CHST8: variants seen among roughly 807,000 people sequenced by gnomAD.
The protein encoded by CHST8 is GALNAC-4-ST1.
In CHST8, 10 loss-of-function variants were observed where a neutral mutation model predicts 15.0. The ratio of observed to expected loss-of-function variants is 0.67; its 90% CI spans 0.41 to 1.13. The LOEUF is 1.13. CHST8 is among the 50% of genes most tolerant of loss of function. The pLI is 0.00. For missense variants in CHST8, 634 were observed against 608.2 expected, an observed-to-expected ratio of 1.04 and a Z score of -0.45; for synonymous variants, 259 against 256.6, an observed-to-expected ratio of 1.01 and a Z score of -0.09.
chr19:33,754,132 C>T (rs943873063), intron 3 of CHST8, among the ~76,000 whole-genome samples: 3 of 134,580 alleles, frequency 2.2e-5, no homozygotes, highest in African/African-American at 8.6e-5. Context: ...GTGTACCATC[C>T]TACCTGACAT....
At chr19:33,658,637 C>T (rs533057604) in intron 1 of CHST8, among the ~76,000 whole-genome samples, 1 of 152,298 alleles carries the variant, frequency 6.6e-6, no homozygotes, top group African/African-American at 2.4e-5. Flanking sequence ...AGAATGTTTA[C>T]AGCTGTTCTA....
chr19:33,714,254 T>C (rs1484595006), intron 3 of CHST8, among the ~76,000 whole-genome samples: 2 of 152,112 alleles, frequency 1.3e-5, no homozygotes, highest in Non-Finnish European at 2.9e-5. Context: ...TCAACCTAAA[T>C]GTCCACCAAG....
At chr19:33,757,452 A>AAG (rs1568358435) in intron 3 of CHST8, among the ~76,000 whole-genome samples, 5 of 33,334 alleles carry the variant, frequency 1.5e-4, no homozygotes, top group African/African-American at 5.9e-4. Context: ...GAAAGAAAGA[A>AAG]AGAAAGAAAG....
At chr19:33,645,751 G>A (rs10423885) in intron 1 of CHST8, among the ~76,000 whole-genome samples, 126,962 of 152,142 alleles carry the variant, frequency 0.83, 53,891 homozygotes, top group Non-Finnish European at 0.91. Flanking sequence ...AGCTGGAGAT[G>A]TTATACCCCA....
intron 3 of CHST8, among the ~76,000 whole-genome samples, chr19:33,718,214 T>C (rs1973700575): frequency 6.6e-6 from 1 of 151,484 alleles, no homozygotes; most frequent in South Asian, 2.1e-4. Flanking sequence ...GATTGTCTTT[T>C]TTTCTTTCTT....
chr19:33,659,059 C>CTTTTTTTT lies in CHST8; in HGVS notation c.-163-8692_-163-8685dup, dbSNP rs71181374. On this transcript the variant is annotated intron_variant, in intron 1 of 4. Coordinates refer to ENST00000650847, the MANE Select transcript of CHST8 (RefSeq NM_001127895.2). Reference sequence around the variant, plus strand: ...TTATTGTTTCATGGTTAGGTAATGACTTTTTTTTTTTTTTTTTTTTTTTGA... The same window carrying CTTTTTTTT: ...TTATTGTTTCATGGTTAGGTAATGACTTTTTTTTTTTTTTTTTTTTTTTTTTTTTTTGA... 1.4e-3 allele frequency among the ~76,000 whole-genome samples: 113 copies of CTTTTTTTT among 78,840 alleles called. 5 individuals carry two copies. Among genetic ancestry groups the CTTTTTTTT allele is most frequent in the African/African-American group, 1.6e-3 (30 of 18,702 alleles). The allele number at this position is 78,840 out of a possible 152,430, so 51.7% of individuals were successfully genotyped here.
At chr19:33,638,488 T>C (rs1423322861) in intron 1 of CHST8, among the ~76,000 whole-genome samples, 3 of 152,158 alleles carry the variant, frequency 2.0e-5, no homozygotes, top group East Asian at 3.9e-4. Flanking sequence ...CTGAATTTCA[T>C]AAATATTGTA....
intron 2 of CHST8, among the ~76,000 whole-genome samples, chr19:33,674,353 G>C (rs1007918646): frequency 2.6e-5 from 4 of 152,226 alleles, no homozygotes; most frequent in Non-Finnish European, 5.9e-5. Context: ...CCATCGGCAT[G>C]GGGGAGGGGC....
chr19:33,730,831 G>A (rs944387660), intron 3 of CHST8, among the ~76,000 whole-genome samples: 23 of 152,216 alleles, frequency 1.5e-4, no homozygotes, highest in African/African-American at 5.5e-4. Context: ...CAACAGCACA[G>A]CCTTCAGTCT....
intron 2 of CHST8, among the ~76,000 whole-genome samples, chr19:33,672,180 G>A (rs1386597282): frequency 1.3e-5 from 2 of 148,342 alleles, no homozygotes; most frequent in South Asian, 4.2e-4. Flanking sequence ...TCCATTGAAA[G>A]TATTTCTTTT....
chr19:33,714,181 T>TA (rs1357406490), intron 3 of CHST8, among the ~76,000 whole-genome samples: 6 of 152,242 alleles, frequency 3.9e-5, no homozygotes, highest in African/African-American at 7.2e-5. Flanking sequence ...AGTCACTCTA[T>TA]AAAAAAGACA....
chr19:33,673,145 C>T (rs538792199), intron 2 of CHST8, among the ~76,000 whole-genome samples: 5 of 152,302 alleles, frequency 3.3e-5, no homozygotes, highest in East Asian at 3.9e-4. Flanking sequence ...GGCCAATGTC[C>T]GGGTGTCGTG....
chr19:33,741,522 C>T (rs140462946), intron 3 of CHST8, among the ~76,000 whole-genome samples: 2 of 152,186 alleles, frequency 1.3e-5, no homozygotes, highest in African/African-American at 4.8e-5. Flanking sequence ...AACATCTTCC[C>T]TAGCAAATAT....
At chr19:33,710,683 T>A (rs1014748384) in intron 3 of CHST8, among the ~76,000 whole-genome samples, 1 of 152,218 alleles carries the variant, frequency 6.6e-6, no homozygotes, top group African/African-American at 2.4e-5. Context: ...AGCAACACTC[T>A]TGGGCATGGA....
At chr19:33,723,185 G>T (rs1973833601) in intron 3 of CHST8, among the ~76,000 whole-genome samples, 1 of 152,232 alleles carries the variant, frequency 6.6e-6, no homozygotes, top group Non-Finnish European at 1.5e-5. Flanking sequence ...CTTTGTGTGT[G>T]CGTGCATGCC....
Position 33,627,577 on chromosome 19 carries a change from T to C in CHST8, c.-164+5281T>C, listed in dbSNP as rs566166213. 1.4e-3 allele frequency among the ~76,000 whole-genome samples: 220 copies of C among 152,278 alleles called. 1 individual carries two copies. Among genetic ancestry groups the C allele is most frequent in the Middle Eastern group, 6.8e-3 (2 of 294 alleles). The stretch of plus-strand genomic sequence containing the variant: ...CACTCCGCACGTAGAACACCATACA[T>C]TTCTGGGAAATAGTATTTCTTGGTG... On this transcript the variant is annotated intron_variant, in intron 1 of 4. Coordinates refer to ENST00000650847, the MANE Select transcript of CHST8 (RefSeq NM_001127895.2).
chr19:33,673,906 A>G (rs1052620662), intron 2 of CHST8, among the ~76,000 whole-genome samples: 2 of 152,130 alleles, frequency 1.3e-5, no homozygotes, highest in Non-Finnish European at 2.9e-5. Flanking sequence ...GGCTCGCGCC[A>G]TCACATCTGG....
chr19:33,770,254 C>G lies in CHST8; in HGVS notation c.131-1159C>G, dbSNP rs534323956. 2.0e-5 allele frequency among the ~76,000 whole-genome samples: 3 copies of G among 152,326 alleles called. No homozygotes were observed. The South Asian group carries it at 6.2e-4, about 32-fold the overall frequency. On this transcript the variant is annotated intron_variant, in intron 3 of 4. Transcript: ENST00000650847. The stretch of plus-strand genomic sequence containing the variant: ...CCAGGAAAGTGGTGGGACACTGGAA[C>G]CCCCCTCCCGCAGGCAGCAGCCAGG...
chr19:33,769,539 G>A (rs528058577), intron 3 of CHST8, among the ~76,000 whole-genome samples: 3 of 152,142 alleles, frequency 2.0e-5, no homozygotes, highest in Non-Finnish European at 2.9e-5. Flanking sequence ...CATCGGCTGC[G>A]GGAGAGAAAG....
Sources: allele counts gnomAD v4.1 joint callset (sites outside exome capture counted in the v4.1 genomes callset), GRCh38; gene constraint gnomAD v4.1.1; transcripts MANE v1.5; gene names NCBI Gene and HGNC (gene_info 2026-07-23, HGNC 2026-07-21).